The following SH3GL3 variants were observed in gnomAD, a reference collection of about 807,000 sequenced individuals.
SH3GL3 encodes endophilin-A3.
A neutral mutation model predicts 47.7 loss-of-function variants in SH3GL3; 33 were observed. The ratio of observed to expected loss-of-function variants is 0.69; its 90% confidence interval spans 0.52 to 0.92. The LOEUF is 0.92. SH3GL3 is among the 40% of genes least tolerant of loss of function. The probability of loss-of-function intolerance (pLI) is 0.00; values close to 1 mark genes in which losing one functional copy is unlikely to be tolerated. For synonymous variants in SH3GL3, 155 were observed against 148.8 expected, an observed-to-expected ratio of 1.04 and a Z score of -0.30; for missense variants, 363 against 417.8, an observed-to-expected ratio of 0.87 and a Z score of 1.14.
At chr15:83,479,157 C>A (rs1003102936) in intron 1 of SH3GL3, among the ~76,000 whole-genome samples, 1 of 152,202 alleles carries the variant, frequency 6.6e-6, no homozygotes, top group Non-Finnish European at 1.5e-5. Flanking sequence ...CCTTCAAAGG[C>A]TGAGTATATT....
intron 6 of SH3GL3, among the ~76,000 whole-genome samples, chr15:83,578,683 T>G (rs985541021): frequency 6.6e-5 from 10 of 151,786 alleles, no homozygotes; most frequent in Admixed American, 5.9e-4. Flanking sequence ...ACATTTTTTT[T>G]GGGAAATAGG....
chr15:83,542,605 T>C (rs1161825641), intron 1 of SH3GL3, among the ~76,000 whole-genome samples: 1 of 152,144 alleles, frequency 6.6e-6, no homozygotes, highest in Admixed American at 6.5e-5. Context: ...TCCATGAACA[T>C]GAACTATCTT....
chr15:83,497,427 A>T (rs1432886855), intron 1 of SH3GL3, among the ~76,000 whole-genome samples: 18 of 152,078 alleles, frequency 1.2e-4, no homozygotes, highest in Admixed American at 1.2e-3. Flanking sequence ...ACCAATAAAT[A>T]TGGAGGGCTA....
In SH3GL3 at chr15:83,586,999, AGTTGG is replaced by A. The variant is rs2059972211; in HGVS notation, c.642_646del (p.Gln214HisfsTer50). 6.2e-7 allele frequency: 1 copy of A among 1,605,796 alleles called. No homozygotes were observed. The highest frequency in any genetic ancestry group is 1.3e-5 in the African/African-American group (1 of 74,534). The stretch of plus-strand genomic sequence containing the variant: ...CTGCTGCAGGTAGAACAAGTCAGCC[AGTTGG>A]CTGTGTTCATAGAGGCAGCATTAGA... On this transcript the variant is annotated frameshift_variant, in exon 7 of 9. Coordinates refer to ENST00000427482, the MANE Select transcript of SH3GL3 (RefSeq NM_003027.5). LOFTEE classifies it high-confidence loss of function.
At chr15:83,506,293 A>G (rs2042500535) in intron 1 of SH3GL3, among the ~76,000 whole-genome samples, 1 of 152,014 alleles carries the variant, frequency 6.6e-6, no homozygotes, top group Non-Finnish European at 1.5e-5. Context: ...TTTTTCCCTG[A>G]ATGTGATGAA....
At position 83,575,804 on chromosome 15, in the gene SH3GL3, G is replaced by T. The variant is rs184059593; in HGVS notation, c.466-779G>T. Among the ~76,000 whole-genome samples the T allele has an allele frequency of 2.0e-5, 3 of 152,188 alleles. No homozygotes were observed. The East Asian group carries it at 5.8e-4, about 29-fold the overall frequency. ...TTTCTACATACACTTTCGATGCCTG[G>T]TATCTGATTTCCGAGGATTATAGCC... On this transcript the variant is annotated intron_variant, in intron 5 of 8. Transcript: ENST00000427482.
At chr15:83,457,334 C>T (rs1187284231) in intron 1 of SH3GL3, among the ~76,000 whole-genome samples, 1 of 152,234 alleles carries the variant, frequency 6.6e-6, no homozygotes, top group African/African-American at 2.4e-5. Context: ...TGCCTTTTAA[C>T]TTCTGTCATG....
chr15:83,458,783 C>G (rs1157332203), intron 1 of SH3GL3, among the ~76,000 whole-genome samples: 5 of 152,198 alleles, frequency 3.3e-5, no homozygotes, highest in African/African-American at 1.2e-4. Context: ...CTTCTCTGCA[C>G]TATTGTTTCT....
intron 1 of SH3GL3, among the ~76,000 whole-genome samples, chr15:83,553,458 C>T (rs1384458638): frequency 6.6e-6 from 1 of 152,116 alleles, no homozygotes; most frequent in Non-Finnish European, 1.5e-5. Context: ...TTATTACTAT[C>T]TGATTTTGTG....
At chr15:83,487,374 C>T (rs1376364332) in intron 1 of SH3GL3, among the ~76,000 whole-genome samples, 2 of 151,830 alleles carry the variant, frequency 1.3e-5, no homozygotes, top group Non-Finnish European at 2.9e-5. Context: ...AATTTGGGTA[C>T]CATGTTTTTA....
intron 1 of SH3GL3, among the ~76,000 whole-genome samples, chr15:83,466,826 G>A (rs1478549123): frequency 6.6e-6 from 1 of 152,166 alleles, no homozygotes; most frequent in Middle Eastern, 3.2e-3. Context: ...CTTTGCATAT[G>A]CTTATTGGCT....
chr15:83,572,531 A>T (rs1310419638), intron 4 of SH3GL3, 34 bp from the exon 5 acceptor site: 1 of 1,592,562 alleles, frequency 6.3e-7, no homozygotes. Flanking sequence ...TAGTGTTCCC[A>T]AAGAACCTTT....
chr15:83,550,307 C>T (rs895169113), intron 1 of SH3GL3, among the ~76,000 whole-genome samples: 1 of 152,200 alleles, frequency 6.6e-6, no homozygotes, highest in Non-Finnish European at 1.5e-5. Flanking sequence ...TATTAGACAA[C>T]GTCCACAGCC....
At chr15:83,592,120 A>G (rs1225031247) in intron 8 of SH3GL3, among the ~76,000 whole-genome samples, 1 of 152,060 alleles carries the variant, frequency 6.6e-6, no homozygotes, top group South Asian at 2.1e-4. Flanking sequence ...ACTTAACTTC[A>G]TGGTGCTTGT....
chr15:83,487,650 G>A (rs1400928924), intron 1 of SH3GL3, among the ~76,000 whole-genome samples: 1 of 152,086 alleles, frequency 6.6e-6, no homozygotes, highest in Non-Finnish European at 1.5e-5. Context: ...AATAGACCTA[G>A]TGTTGGCACA....
chr15:83,599,380 A>T (rs1375532600), intron 8 of SH3GL3, among the ~76,000 whole-genome samples: 2 of 152,112 alleles, frequency 1.3e-5, no homozygotes, highest in Admixed American at 1.3e-4. Flanking sequence ...CCCAAAGTCC[A>T]TTGTATCATT....
chr15:83,450,750 G>GTT (rs2039708390), intron 1 of SH3GL3, among the ~76,000 whole-genome samples: 3 of 81,230 alleles, frequency 3.7e-5, no homozygotes, highest in South Asian at 6.2e-4. Flanking sequence ...ATTAAAATGG[G>GTT]ATATTTTTCT....
chr15:83,480,991 C>T (rs2041323885), intron 1 of SH3GL3, among the ~76,000 whole-genome samples: 3 of 152,016 alleles, frequency 2.0e-5, no homozygotes, highest in Admixed American at 1.3e-4. Context: ...AGAAATAATT[C>T]CTGGCTGTGC....
At chr15:83,624,626 T>C in the SH3GL3 span, among the ~76,000 whole-genome samples, 1 of 152,232 alleles carries the variant, frequency 6.6e-6, no homozygotes, top group Non-Finnish European at 1.5e-5. Flanking sequence ...GCTGAATTAC[T>C]GGGCCTTTGA....
Sources: gnomAD v4.1 joint callset for allele counts (sites outside exome capture counted in the v4.1 genomes callset) on GRCh38, gnomAD v4.1.1 for gene constraint, MANE v1.5 for transcripts, NCBI Gene and HGNC (gene_info 2026-07-23, HGNC 2026-07-21) for gene names.